PKIB: variants seen among roughly 807,000 people sequenced by gnomAD.
PKIB encodes the protein cAMP-dependent protein kinase inhibitor beta, also known as PKI-beta.
PKIB carries 2 observed loss-of-function variants against 4.5 expected under a neutral mutation model. The observed-to-expected ratio is 0.44, with a 90% CI of 0.18 to 1.39. The LOEUF is 1.39. Ranked by LOEUF, PKIB falls within the 40% of genes most tolerant of loss-of-function variation. The pLI is 0.27. For synonymous variants in PKIB, 38 were observed against 36.0 expected, an observed-to-expected ratio of 1.06 and a Z score of -0.20; for missense variants, 94 against 92.6, an observed-to-expected ratio of 1.02 and a Z score of -0.06.
At chr6:122,501,753 C>G (rs1205739322) in intron 2 of PKIB, among the ~76,000 whole-genome samples, 2 of 152,146 alleles carry the variant, frequency 1.3e-5, no homozygotes, top group African/African-American at 4.8e-5. Context: ...TCCTCATTGT[C>G]TTGGCTATTA....
At chr6:122,571,836 A>G (rs1050049489) in intron 2 of PKIB, among the ~76,000 whole-genome samples, 3 of 152,206 alleles carry the variant, frequency 2.0e-5, no homozygotes, top group African/African-American at 4.8e-5. Context: ...GAAGAAAAAC[A>G]AAGTATCTAG....
chr6:122,576,710 A>ATATATATATTTT (rs59569106), intron 2 of PKIB, among the ~76,000 whole-genome samples: 69 of 109,946 alleles, frequency 6.3e-4, no homozygotes, highest in African/African-American at 1.1e-3. Flanking sequence ...ATATATATAT[A>ATATATATATTTT]TTTTCTTTTG....
At chr6:122,631,878 T>C (rs1775718461) in intron 1 of PKIB, among the ~76,000 whole-genome samples, 1 of 152,182 alleles carries the variant, frequency 6.6e-6, no homozygotes, top group South Asian at 2.1e-4. Context: ...GCTAACATAA[T>C]GATGTTGACA....
intron 2 of PKIB, chr6:122,483,540 G>A (rs573055444): frequency 2.6e-5 from 4 of 152,154 alleles, no homozygotes; most frequent in African/African-American, 9.6e-5. Flanking sequence ...AAACACAAAA[G>A]TTTATTAACA....
At chr6:122,692,202 C>G (rs1208677297) in intron 3 of PKIB, among the ~76,000 whole-genome samples, 1 of 152,196 alleles carries the variant, frequency 6.6e-6, no homozygotes, top group Non-Finnish European at 1.5e-5. Flanking sequence ...TGTCTATAGC[C>G]TATGTTTGCT....
intron 2 of PKIB, among the ~76,000 whole-genome samples, chr6:122,672,785 T>C (rs1777519300): frequency 6.6e-6 from 1 of 151,722 alleles, no homozygotes; most frequent in Non-Finnish European, 1.5e-5. Context: ...TTATAATTTA[T>C]AGTATAAATA....
intron 2 of PKIB, among the ~76,000 whole-genome samples, chr6:122,579,865 C>G (rs927808389): frequency 6.6e-6 from 1 of 152,034 alleles, no homozygotes; most frequent in Admixed American, 6.6e-5. Context: ...GTTTAACAAA[C>G]GTCAATTAAA....
intron 1 of PKIB, among the ~76,000 whole-genome samples, chr6:122,623,623 G>C (rs1775322210): frequency 6.6e-6 from 1 of 151,982 alleles, no homozygotes; most frequent in Non-Finnish European, 1.5e-5. Flanking sequence ...TTGGCTTTGA[G>C]ATCTGTACTC....
rs1773693854 is a variant in PKIB at position 122,581,251 on chromosome 6, C to A, written c.-247-4670C>A. Among the ~76,000 whole-genome samples, 3 of 152,238 alleles carry A rather than the reference C, an allele frequency of 2.0e-5. No homozygotes were observed. In the South Asian group the frequency reaches 6.2e-4, roughly 32 times the overall value. ...AGATGTTTCAGGTCTGAAGCAATTT[C>A]TTGGTATTGCAATGTAAGATTTCCT... On this transcript the variant is annotated intron_variant, in intron 2 of 6. Coordinates refer to the PKIB transcript ENST00000392491.
intron 2 of PKIB, among the ~76,000 whole-genome samples, chr6:122,486,517 A>G (rs750562533): frequency 6.6e-6 from 1 of 152,024 alleles, no homozygotes; most frequent in Non-Finnish European, 1.5e-5. Context: ...TCTATGTTCC[A>G]ATAGTATCTA....
chr6:122,505,883 T>C (rs1254058697), intron 2 of PKIB, among the ~76,000 whole-genome samples: 1 of 152,160 alleles, frequency 6.6e-6, no homozygotes, highest in African/African-American at 2.4e-5. Context: ...TTTGATTTGT[T>C]AATTGTTGGT....
At chr6:122,595,927 C>T (rs768135795) in intron 3 of PKIB, among the ~76,000 whole-genome samples, 43 of 152,336 alleles carry the variant, frequency 2.8e-4, no homozygotes, top group Non-Finnish European at 4.7e-4. Flanking sequence ...GGTGAGTACT[C>T]ACATGGGAAA....
chr6:122,634,937 A>T (rs1256759051), intron 2 of PKIB, among the ~76,000 whole-genome samples: 1 of 151,470 alleles, frequency 6.6e-6, no homozygotes, highest in Non-Finnish European at 1.5e-5. Flanking sequence ...GCGAGACTCC[A>T]TCTCAAAGAA....
chr6:122,570,370 C>G (rs1330634773), intron 2 of PKIB, among the ~76,000 whole-genome samples: 1 of 152,190 alleles, frequency 6.6e-6, no homozygotes, highest in Non-Finnish European at 1.5e-5. Context: ...ATTACATCTA[C>G]CCACCTGCTT....
rs1418423637 is a variant in PKIB at position 122,589,144 on chromosome 6, AG to A, written c.-161+3139del. ...TACCCTAGAGTAATGCATGTTTATA[AG>A]GATTCATAAAAAAGGATGTTGCAGC... On this transcript the variant is annotated intron_variant, in intron 3 of 6. Transcript: ENST00000392491. 3.3e-5 allele frequency among the ~76,000 whole-genome samples: 5 copies of A among 152,286 alleles called. No homozygotes were observed. The South Asian group carries it at 1.0e-3, about 32-fold the overall frequency.
At chr6:122,520,627 C>T (rs545428553) in intron 2 of PKIB, among the ~76,000 whole-genome samples, 88 of 151,712 alleles carry the variant, frequency 5.8e-4, no homozygotes, top group African/African-American at 2.0e-3. Flanking sequence ...TAAGCTCTCT[C>T]TGTAAATGTG....
chr6:122,661,572 A>G (rs1776992545), intron 2 of PKIB, among the ~76,000 whole-genome samples: 1 of 152,198 alleles, frequency 6.6e-6, no homozygotes. Context: ...AGAATATACT[A>G]CATTTTATTT....
At chr6:122,669,731 TG>T (rs1247472654) in intron 2 of PKIB, among the ~76,000 whole-genome samples, 8 of 152,292 alleles carry the variant, frequency 5.3e-5, no homozygotes, top group Non-Finnish European at 7.4e-5. Context: ...GTTATTTTGT[TG>T]GTGGTTCCAG....
intron 2 of PKIB, chr6:122,644,102 A>G (rs1011664570): frequency 2.6e-5 from 4 of 151,592 alleles, no homozygotes; most frequent in African/African-American, 9.7e-5. Flanking sequence ...GAGCCACTTC[A>G]CTTAAAATTA....
Sources: allele counts gnomAD v4.1 joint callset (sites outside exome capture counted in the v4.1 genomes callset), GRCh38; gene constraint gnomAD v4.1.1; transcripts MANE v1.5; gene names NCBI Gene and HGNC (gene_info 2026-07-23, HGNC 2026-07-21).